LRRTM4: variants seen among roughly 807,000 people sequenced by gnomAD.
LRRTM4 encodes leucine rich repeat transmembrane neuronal 4, also known as leucine-rich repeat transmembrane neuronal protein 4.
In LRRTM4, 25 loss-of-function variants were observed where a neutral mutation model predicts 47.6. That is an observed-to-expected ratio of 0.53 (90% CI 0.38 to 0.73). LRRTM4 has a LOEUF of 0.73. Ranked by LOEUF, LRRTM4 falls within the 30% of genes least tolerant of loss-of-function variation. The pLI is 0.00. For synonymous variants in LRRTM4, 311 were observed against 269.5 expected, an observed-to-expected ratio of 1.15 and a Z score of -1.51; for missense variants, 638 against 713.4, an observed-to-expected ratio of 0.89 and a Z score of 1.20.
chr2:77,069,635 G>A lies in LRRTM4; in HGVS notation c.1552-320719C>T, dbSNP rs758816172. ...TGTTGGTAGCTTGTGTATTTCAAGA[G>A]ATTTGTCTATTTTCAACTTTGCCTT... On this transcript the variant is annotated intron_variant, in intron 3 of 3. Transcript: ENST00000409884. 6.6e-5 allele frequency among the ~76,000 whole-genome samples: 10 copies of A among 152,062 alleles called. 1 individual carries two copies. Among genetic ancestry groups the A allele is most frequent in the Non-Finnish European group, 1.3e-4 (9 of 68,016 alleles).
intron 3 of LRRTM4, among the ~76,000 whole-genome samples, chr2:77,452,035 G>C (rs1676273072): frequency 6.6e-6 from 1 of 152,148 alleles, no homozygotes; most frequent in African/African-American, 2.4e-5. Flanking sequence ...GGTTGGGGTT[G>C]GAGGAGGAGG....
At position 77,519,997 on chromosome 2, in the gene LRRTM4, T is replaced by A; in HGVS notation, c.5-133A>T. On this transcript the variant is annotated intron_variant, in intron 2 of 3. Transcript: ENST00000409884. This position sits in a 1 kb window ranked among gnomAD's most constrained non-coding sequence, Gnocchi z 4.6. ...TGATTTAAGGAAAATGCATTAACAT[T>A]TCGAGCATTATTTTCTTCAGTGTTG... 1 of 1,382,802 alleles carries A rather than the reference T, an allele frequency of 7.2e-7. No homozygotes were observed. The highest frequency in any genetic ancestry group is 9.5e-7 in the Non-Finnish European group (1 of 1,052,296). 85.7% of individuals were successfully genotyped at this position (1,382,802 alleles called of 1,614,324 possible).
At chr2:76,812,648 T>C (rs370259050) in intron 3 of LRRTM4, among the ~76,000 whole-genome samples, 2 of 148,320 alleles carry the variant, frequency 1.3e-5, no homozygotes, top group African/African-American at 5.0e-5. Context: ...AACACTTTCC[T>C]ATGAAGGAGA....
chr2:76,856,298 T>G (rs1034589526), intron 3 of LRRTM4, among the ~76,000 whole-genome samples: 5 of 150,706 alleles, frequency 3.3e-5, no homozygotes, highest in African/African-American at 9.9e-5. Context: ...GAGAGAGAGA[T>G]AAAAAAAAGT....
intron 3 of LRRTM4, among the ~76,000 whole-genome samples, chr2:77,010,824 A>C (rs775140824): frequency 6.6e-6 from 1 of 152,188 alleles, no homozygotes; most frequent in Non-Finnish European, 1.5e-5. Context: ...TTAGTCAACT[A>C]AAGTCTTATC....
intron 3 of LRRTM4, among the ~76,000 whole-genome samples, chr2:77,182,703 A>C (rs1673383841): frequency 6.6e-6 from 1 of 152,142 alleles, no homozygotes; most frequent in Non-Finnish European, 1.5e-5. Context: ...AACTTCCAAC[A>C]CTATGTTGAA....
intron 3 of LRRTM4, among the ~76,000 whole-genome samples, chr2:77,162,272 G>T (rs759760968): frequency 6.6e-6 from 1 of 152,218 alleles, no homozygotes; most frequent in Non-Finnish European, 1.5e-5. Flanking sequence ...AAGGCTGGGG[G>T]TGGGGCGTCT....
At chr2:77,360,526 C>T (rs940027581) in intron 3 of LRRTM4, among the ~76,000 whole-genome samples, 4 of 133,552 alleles carry the variant, frequency 3.0e-5, no homozygotes, top group Admixed American at 7.2e-5. Context: ...CGATACGATA[C>T]GATACGATAC....
intron 3 of LRRTM4, among the ~76,000 whole-genome samples, chr2:77,261,096 A>G (rs576130415): frequency 6.6e-6 from 1 of 152,180 alleles, no homozygotes; most frequent in South Asian, 2.1e-4. Flanking sequence ...GTTCCTCTAG[A>G]GAAAGGATTG....
At chr2:76,923,432 A>C (rs1461138778) in intron 3 of LRRTM4, among the ~76,000 whole-genome samples, 8 of 152,028 alleles carry the variant, frequency 5.3e-5, no homozygotes, top group Non-Finnish European at 7.4e-5. Context: ...TGAAGGTAAT[A>C]AATACTCAAA....
At chr2:76,803,911 C>T (rs1166020845) in intron 3 of LRRTM4, among the ~76,000 whole-genome samples, 2 of 152,174 alleles carry the variant, frequency 1.3e-5, no homozygotes, top group Non-Finnish European at 2.9e-5. Flanking sequence ...AGGGTACCTA[C>T]ATGACTAGCA....
intron 3 of LRRTM4, among the ~76,000 whole-genome samples, chr2:76,945,261 G>T (rs557736927): frequency 6.6e-6 from 1 of 152,122 alleles, no homozygotes; most frequent in African/African-American, 2.4e-5. Context: ...AGCAACTAGC[G>T]TGCCTAAATG....
chr2:77,515,369 G>A (rs1367072399), intron 3 of LRRTM4, among the ~76,000 whole-genome samples: 2 of 151,764 alleles, frequency 1.3e-5, no homozygotes, highest in South Asian at 4.1e-4. Flanking sequence ...GCTCACAAAC[G>A]CCAATCTAAT....
intron 3 of LRRTM4, among the ~76,000 whole-genome samples, chr2:76,942,674 A>ATATGTGTGTGTGTGTG (rs750604219): frequency 8.1e-6 from 1 of 123,246 alleles, no homozygotes; most frequent in African/African-American, 3.2e-5. Flanking sequence ...ACCTCTAGGA[A>ATATGTGTGTGTGTGTG]TCTGTGTGTG....
chr2:77,519,737 A>G lies in LRRTM4; in HGVS notation c.132T>C (p.Ile44=), dbSNP rs537398643. The part of the protein sequence containing the change: ...CPKNCRCDGK[I]VYCESHAFAD... ...CGAAAGCATGAGACTCACAGTACAC[A>G]ATTTTGCCATCACATCTGCAGTTCT... The change falls in exon 3 of 4, where the codon ATT becomes ATC. Residue 44 remains isoleucine, a synonymous_variant. Coordinates refer to ENST00000409884, the MANE Select transcript of LRRTM4 (RefSeq NM_001134745.3). The surrounding 1 kb of genome is among the most constrained non-coding windows in gnomAD (Gnocchi z 4.6). 8.7e-6 allele frequency: 14 copies of G among 1,613,248 alleles called. No homozygotes were observed. The highest frequency in any genetic ancestry group is 1.2e-5 in the Non-Finnish European group (14 of 1,179,598).
At chr2:77,462,435 T>A (rs1008281186) in intron 3 of LRRTM4, among the ~76,000 whole-genome samples, 6 of 151,948 alleles carry the variant, frequency 3.9e-5, no homozygotes, top group Admixed American at 6.6e-5. Context: ...CAGTAAAAAA[T>A]AACAACAAAG....
chr2:77,089,778 C>A (rs2103881088), intron 3 of LRRTM4, among the ~76,000 whole-genome samples: 1 of 152,258 alleles, frequency 6.6e-6, no homozygotes, highest in East Asian at 1.9e-4. Context: ...ACAAACTCGA[C>A]AGTAGTTCCA....
intron 3 of LRRTM4, among the ~76,000 whole-genome samples, chr2:77,186,504 A>G (rs77300428): frequency 0.033 from 4,988 of 152,268 alleles, 134 homozygotes; most frequent in African/African-American, 0.077. Context: ...TGTTTGCCAA[A>G]TGAAAAACAG....
intron 3 of LRRTM4, among the ~76,000 whole-genome samples, chr2:77,245,499 C>G (rs1196256348): frequency 1.8e-5 from 2 of 113,364 alleles, no homozygotes; most frequent in Non-Finnish European, 3.4e-5. Flanking sequence ...ACTTGGGATA[C>G]AGAGCAAGAC....
Sources: gnomAD v4.1 joint callset for allele counts (sites outside exome capture counted in the v4.1 genomes callset) on GRCh38, gnomAD v4.1.1 for gene constraint, Gnocchi (gnomAD v3.1) non-coding constraint, MANE v1.5 for transcripts, NCBI Gene and HGNC (gene_info 2026-07-23, HGNC 2026-07-21) for gene names.